The following ADGRG6 variants were observed in gnomAD, a reference collection of about 807,000 sequenced individuals.
ADGRG6 encodes adhesion G protein-coupled receptor G6.
Under a neutral mutation model 142.4 loss-of-function variants are expected in ADGRG6, and 84 were observed. The ratio of observed to expected loss-of-function variants is 0.59; its 90% CI spans 0.49 to 0.71. The LOEUF is 0.71. Among genes scored for constraint, ADGRG6 ranks in the 30% least tolerant of loss-of-function variants. The pLI is 0.00. For missense variants in ADGRG6, 1,367 were observed against 1,466.6 expected (o/e 0.93, Z 1.11); for synonymous variants, 521 against 520.5 (o/e 1.00, Z -0.01).
intron 18 of ADGRG6, among the ~76,000 whole-genome samples, chr6:142,411,808 T>C (rs1335588325): frequency 6.6e-6 from 1 of 152,102 alleles, no homozygotes; most frequent in African/African-American, 2.4e-5. Context: ...TTGTGAATAG[T>C]GTAATCAAAA....
intron 4 of ADGRG6, among the ~76,000 whole-genome samples, chr6:142,381,306 A>G (rs1562352900): frequency 6.6e-6 from 1 of 152,204 alleles, no homozygotes; most frequent in Non-Finnish European, 1.5e-5. Context: ...TTATGATACA[A>G]TATGCTTTGT....
At chr6:142,310,996 T>A (rs1777742562) in intron 2 of ADGRG6, among the ~76,000 whole-genome samples, 1 of 151,932 alleles carries the variant, frequency 6.6e-6, no homozygotes, top group African/African-American at 2.4e-5. Context: ...TTTTAAGGCT[T>A]CTTGAGACCA....
chr6:142,382,124 A>G (rs1479300712), intron 5 of ADGRG6, 105 bp downstream of exon 5: 1 of 726,080 alleles, frequency 1.4e-6, no homozygotes, highest in South Asian at 1.7e-5. Context: ...TCACTTGGAA[A>G]GCCAGAAAAC....
chr6:142,379,115 T>G (rs1032876112), intron 4 of ADGRG6, among the ~76,000 whole-genome samples: 5 of 152,326 alleles, frequency 3.3e-5, no homozygotes, highest in East Asian at 1.9e-4. Flanking sequence ...TTTCCGTTAC[T>G]GGACTTAGTG....
At chr6:142,439,769 A>G (rs548407813) in intron 24 of ADGRG6, among the ~76,000 whole-genome samples, 2 of 152,200 alleles carry the variant, frequency 1.3e-5, no homozygotes, top group Non-Finnish European at 2.9e-5. Context: ...CATTTTCACA[A>G]TTTTGCATAA....
In ADGRG6 at chr6:142,417,244, G is replaced by T. The variant is rs1776408066; in HGVS notation, c.2939-29G>T. On this transcript the variant is annotated intron_variant, in intron 20 of 24. Coordinates refer to ENST00000367609, the MANE Select transcript of ADGRG6 (RefSeq NM_198569.3). ...TGAAGCAGTTTCAGATGCTTCAAAA[G>T]AGTTTGTGTCATGGTGTTTTTGTAA... 5 of 1,175,980 alleles carry T rather than the reference G, an allele frequency of 4.3e-6. No individual in the cohort carries two copies. The Middle Eastern group carries it at 9.7e-4, about 227-fold the overall frequency. The allele number at this position is 1,175,980 out of a possible 1,614,324, so 72.8% of individuals were successfully genotyped here. A position where few individuals can be genotyped will look rare whatever the true frequency, so the allele number is the denominator to read the frequency against.
At chr6:142,404,976 A>C (rs1205092681) in intron 14 of ADGRG6, among the ~76,000 whole-genome samples, 2 of 152,166 alleles carry the variant, frequency 1.3e-5, no homozygotes, top group African/African-American at 4.8e-5. Context: ...CAGAGCAAAC[A>C]AAATGAATGA....
chr6:142,417,353 GA>G lies in ADGRG6; in HGVS notation c.3024del (p.Gly1009ValfsTer15). 8 of 1,554,644 alleles carry G rather than the reference GA, an allele frequency of 5.1e-6. No homozygotes were observed. Among genetic ancestry groups the G allele is most frequent in the Non-Finnish European group, 6.2e-6 (7 of 1,128,722 alleles). On this transcript the variant is annotated frameshift_variant, in exon 21 of 25. Transcript: ENST00000367609. LOFTEE classifies it high-confidence loss of function. ...CTATGGAAAAGAAAGTTATGGGAAAGAAAAAGGTGATGAATTGTAAGTAATA... is the reference window on the plus strand; with the variant it reads ...CTATGGAAAAGAAAGTTATGGGAAAGAAAAGGTGATGAATTGTAAGTAATA... ...EVYGKESYGKEKGDEFCWIQD... is the reference protein window; with the variant it reads ...EVYGKESYGKXKGDEFCWIQD...
At chr6:142,365,968 T>A (rs1780926136) in intron 2 of ADGRG6, among the ~76,000 whole-genome samples, 1 of 152,228 alleles carries the variant, frequency 6.6e-6, no homozygotes, top group Admixed American at 6.5e-5. Flanking sequence ...TAATATTTTT[T>A]AAGTATTTTA....
intron 3 of ADGRG6, 28 bp downstream of exon 3, chr6:142,367,938 T>G (rs1781034099): frequency 7.6e-7 from 1 of 1,308,356 alleles, no homozygotes. Context: ...AACGCCAACC[T>G]TCTGCTTTTA....
At position 142,387,298 on chromosome 6, in the gene ADGRG6, C is replaced by T. The variant is rs1024119673; in HGVS notation, c.1223-2960C>T. 4.6e-5 allele frequency among the ~76,000 whole-genome samples: 7 copies of T among 152,266 alleles called. 1 individual carries two copies. Among genetic ancestry groups the T allele is most frequent in the Admixed American group, 3.3e-4 (5 of 15,286 alleles). The stretch of plus-strand genomic sequence containing the variant: ...GCTTTTGTGAGGTTGTCACAAGCAA[C>T]CCAAGTAAGGAATTAACTCCATTAG... On this transcript the variant is annotated intron_variant, in intron 6 of 24. Coordinates refer to ENST00000367609, the MANE Select transcript of ADGRG6 (RefSeq NM_198569.3).
At chr6:142,324,942 C>T (rs187474779) in intron 2 of ADGRG6, among the ~76,000 whole-genome samples, 9 of 152,122 alleles carry the variant, frequency 5.9e-5, no homozygotes, top group South Asian at 2.1e-4. Flanking sequence ...ATTAAGGCAA[C>T]GTATCCACTC....
At chr6:142,320,743 A>C (rs895101794) in intron 2 of ADGRG6, among the ~76,000 whole-genome samples, 7 of 152,046 alleles carry the variant, frequency 4.6e-5, no homozygotes, top group Non-Finnish European at 1.0e-4. Flanking sequence ...ACTTGATCAA[A>C]AATTAGCTTC....
chr6:142,387,491 A>G (rs900837681), intron 6 of ADGRG6, among the ~76,000 whole-genome samples: 26 of 152,228 alleles, frequency 1.7e-4, no homozygotes, highest in African/African-American at 5.1e-4. Context: ...GAAATTGTGT[A>G]TGTAGGAGCT....
intron 4 of ADGRG6, among the ~76,000 whole-genome samples, chr6:142,371,929 T>C (rs1781280457): frequency 6.6e-6 from 1 of 152,234 alleles, no homozygotes; most frequent in Non-Finnish European, 1.5e-5. Context: ...ATCAAAACTG[T>C]CCATTTTATA....
rs1775276080 is a variant in ADGRG6 at position 142,397,730 on chromosome 6, A to G, written c.1542A>G (p.Leu514=). ...AGTCCTTGGATGAAGGCTTGAGGCTACATACAGTGAATGTGAGACAACTGG... is the reference window on the plus strand; with the variant it reads ...AGTCCTTGGATGAAGGCTTGAGGCTGCATACAGTGAATGTGAGACAACTGG... ...NNESLDEGLR[L]HTVNVRQLGH... Residue 514 remains leucine, a synonymous_variant, in exon 10 of 25, where the codon CTA becomes CTG. Coordinates refer to ENST00000367609, the MANE Select transcript of ADGRG6 (RefSeq NM_198569.3). The G allele has an allele frequency of 6.3e-7, 1 of 1,589,874 alleles. No homozygotes were observed. Among genetic ancestry groups the G allele is most frequent in the Non-Finnish European group, 8.5e-7 (1 of 1,170,942 alleles).
intron 2 of ADGRG6, among the ~76,000 whole-genome samples, chr6:142,342,673 G>C (rs1230136877): frequency 6.6e-6 from 1 of 151,832 alleles, no homozygotes; most frequent in African/African-American, 2.4e-5. Context: ...TTAAAACTTT[G>C]CTAACCTTAT....
At chr6:142,342,020 G>GT (rs1779682572) in intron 2 of ADGRG6, among the ~76,000 whole-genome samples, 1 of 152,108 alleles carries the variant, frequency 6.6e-6, no homozygotes, top group South Asian at 2.1e-4. Flanking sequence ...CTAGAAAACA[G>GT]TTTTTTGGTG....
At chr6:142,407,698 A>G (rs1775877269) in intron 15 of ADGRG6, among the ~76,000 whole-genome samples, 1 of 152,220 alleles carries the variant, frequency 6.6e-6, no homozygotes, top group Non-Finnish European at 1.5e-5. Context: ...GTTAGTAAAC[A>G]TGTCAGGCTG....
Sources: gnomAD v4.1 joint callset for allele counts (sites outside exome capture counted in the v4.1 genomes callset) on GRCh38, gnomAD v4.1.1 for gene constraint, MANE v1.5 for transcripts, NCBI Gene and HGNC (gene_info 2026-07-23, HGNC 2026-07-21) for gene names.